The following ARHGAP8 variants were observed in gnomAD, a reference collection of about 807,000 sequenced individuals.
The protein encoded by ARHGAP8 is rho GTPase-activating protein 8.
A neutral mutation model predicts 46.1 loss-of-function variants in ARHGAP8; 62 were observed. The ratio of observed to expected loss-of-function variants is 1.34; its 90% CI spans 1.10 to 1.66. The LOEUF (loss-of-function observed/expected upper bound fraction) is 1.66, where lower values mean the gene tolerates loss of function less well. Ranked by LOEUF, ARHGAP8 falls within the 40% of genes most tolerant of loss-of-function variation. ARHGAP8 has a pLI of 0.00. For missense variants in ARHGAP8, 923 were observed against 568.4 expected (o/e 1.62, Z -6.34); for synonymous variants, 375 against 243.1 (o/e 1.54, Z -5.05).
Position 44,860,583 on chromosome 22 carries a change from A to G in ARHGAP8, c.981+749A>G, listed in dbSNP as rs558731554. Among the ~76,000 whole-genome samples the G allele has an allele frequency of 3.9e-5, 6 of 152,030 alleles. No individual in the cohort carries two copies. The South Asian group carries it at 1.0e-3, about 26-fold the overall frequency. On this transcript the variant is annotated intron_variant, in intron 11 of 11. Coordinates refer to ENST00000356099, the MANE Select transcript of ARHGAP8 (RefSeq NM_181335.3). ...GCTGCAACGGCCCTCGTTCCAAATAAGGTCACAGTCAGATTCTCTGTGGTC... is the reference window on the plus strand; with the variant it reads ...GCTGCAACGGCCCTCGTTCCAAATAGGGTCACAGTCAGATTCTCTGTGGTC...
rs751335303 is a variant in ARHGAP8, at chr22:44,862,480, A to T, written c.1187A>T (p.Glu396Val). ...APGEHGLAPWEQGSRAAPLQE... is the reference protein window; with the variant it reads ...APGEHGLAPWVQGSRAAPLQE... ...GGGGAGCACGGCCTGGCACCATGGG[A>T]ACAGGGGAGCAGGGCAGCCCCTTTG... Residue 396 changes from glutamate to valine, a missense_variant, in exon 12 of 12, where the codon GAA becomes GTA. Physicochemically the swap from Glu to Val is moderately radical, Grantham distance 121. Coordinates refer to ENST00000356099, the MANE Select transcript of ARHGAP8 (RefSeq NM_181335.3). 6 of 1,613,448 alleles carry T rather than the reference A, an allele frequency of 3.7e-6. No homozygotes were observed. The highest frequency in any genetic ancestry group is 1.6e-4 in the Middle Eastern group (1 of 6,080).
At chr22:44,777,050 C>A (rs1488965250) in intron 1 of ARHGAP8, 1 of 152,254 alleles carries the variant, frequency 6.6e-6, no homozygotes, top group Non-Finnish European at 1.5e-5. Flanking sequence ...CTAGAAGCCT[C>A]TGCTGACCTT....
At position 44,814,827 on chromosome 22, in the gene ARHGAP8, C is replaced by T; in HGVS notation, c.386+69C>T. The T allele has an allele frequency of 7.1e-6, 11 of 1,556,530 alleles. No homozygotes were observed. In the Middle Eastern group the frequency reaches 8.8e-4, roughly 125 times the overall value. On this transcript the variant is annotated intron_variant, in intron 5 of 11. Coordinates refer to ENST00000356099, the MANE Select transcript of ARHGAP8 (RefSeq NM_181335.3). ...TCACCCCTCAGGGTCCATGGGACGGCCTTCCCTATCCACGCATCATGGAGG... is the reference window on the plus strand; with the variant it reads ...TCACCCCTCAGGGTCCATGGGACGGTCTTCCCTATCCACGCATCATGGAGG...
At chr22:44,854,160 G>A (rs1048342665) in intron 10 of ARHGAP8, among the ~76,000 whole-genome samples, 17 of 151,068 alleles carry the variant, frequency 1.1e-4, no homozygotes, top group Admixed American at 4.6e-4. Context: ...GCCAGGAAGC[G>A]GCCTTGCTTA....
rs528250162 is a variant in ARHGAP8 at position 44,822,507 on chromosome 22, A to G, written c.485+38A>G. 226 of 1,485,128 alleles carry G rather than the reference A, an allele frequency of 1.5e-4. No homozygotes were observed. In the South Asian group the frequency reaches 2.7e-3, roughly 18 times the overall value. 92.0% of individuals were successfully genotyped at this position (1,485,128 alleles called of 1,614,324 possible). A position where few individuals can be genotyped will look rare whatever the true frequency, so the allele number is the denominator to read the frequency against. Reference sequence around the variant, plus strand: ...TAGACCCCAGAAGCCGCATCAATACATCTTCGTGCTTCCAAAGGGCTTGGT... The same window carrying G: ...TAGACCCCAGAAGCCGCATCAATACGTCTTCGTGCTTCCAAAGGGCTTGGT... On this transcript the variant is annotated intron_variant, in intron 6 of 11. Transcript: ENST00000356099.
At chr22:44,767,982 G>GT (rs1569134963) in intron 1 of ARHGAP8, among the ~76,000 whole-genome samples, 4 of 69,750 alleles carry the variant, frequency 5.7e-5, no homozygotes, top group South Asian at 1.3e-3. Flanking sequence ...CCCGCATGAT[G>GT]TCTTTTTTTT....
At chr22:44,861,057 G>C (rs901460746) in intron 11 of ARHGAP8, among the ~76,000 whole-genome samples, 1 of 152,130 alleles carries the variant, frequency 6.6e-6, no homozygotes, top group Non-Finnish European at 1.5e-5. Context: ...TAGCTGGTGT[G>C]CACTGGTGCA....
At chr22:44,861,752 A>C (rs987261506) in intron 11 of ARHGAP8, among the ~76,000 whole-genome samples, 2 of 152,104 alleles carry the variant, frequency 1.3e-5, no homozygotes, top group Non-Finnish European at 2.9e-5. Context: ...CAGATTCCTC[A>C]TCTGTAAGAT....
intron 2 of ARHGAP8, among the ~76,000 whole-genome samples, chr22:44,786,941 C>T (rs552898647): frequency 9.3e-5 from 14 of 150,352 alleles, no homozygotes; most frequent in Admixed American, 2.0e-4. Context: ...TGCTTCAGCC[C>T]GGGAGGCAGA....
chr22:44,802,309 G>C (rs936428309), intron 3 of ARHGAP8, 145 bp downstream of exon 3: 1 of 1,036,148 alleles, frequency 9.7e-7, no homozygotes, highest in African/African-American at 1.6e-5. Flanking sequence ...TTGCACTCAT[G>C]AGCCTACCCG....
At chr22:44,797,002 T>G (rs1861064378) in intron 2 of ARHGAP8, among the ~76,000 whole-genome samples, 2 of 152,118 alleles carry the variant, frequency 1.3e-5, no homozygotes, top group African/African-American at 4.8e-5. Flanking sequence ...ACGGTTCTTG[T>G]GGGGCTGGGC....
Position 44,856,673 on chromosome 22 carries a change from C to T in ARHGAP8, c.878-3058C>T, listed in dbSNP as rs1040702919. Among the ~76,000 whole-genome samples the T allele has an allele frequency of 1.9e-4, 27 of 144,390 alleles. 3 individuals carry two copies. The highest frequency in any genetic ancestry group is 1.0e-4 in the Non-Finnish European group (7 of 66,676). The allele number at this position is 144,390 out of a possible 152,430, so 94.7% of individuals were successfully genotyped here. A position where few individuals can be genotyped will look rare whatever the true frequency, so the allele number is the denominator to read the frequency against. On this transcript the variant is annotated intron_variant, in intron 10 of 11. Coordinates refer to ENST00000356099, the MANE Select transcript of ARHGAP8 (RefSeq NM_181335.3). ...CAAGTTCTCAGGACACAAAACAAGA[C>T]GAAAGGAGAATCGTATCCCATGATT...
intron 4 of ARHGAP8, among the ~76,000 whole-genome samples, chr22:44,813,052 C>T (rs1466057317): frequency 6.6e-6 from 1 of 152,114 alleles, no homozygotes; most frequent in Admixed American, 6.6e-5. Flanking sequence ...CCAGGCTTAT[C>T]TTGTATTTTT....
At chr22:44,790,165 T>C (rs1003145578) in intron 2 of ARHGAP8, among the ~76,000 whole-genome samples, 2 of 152,166 alleles carry the variant, frequency 1.3e-5, no homozygotes, top group African/African-American at 2.4e-5. Context: ...TGGAGAATGA[T>C]GACGGCAGCT....
intron 1 of ARHGAP8, among the ~76,000 whole-genome samples, chr22:44,761,080 T>C (rs893422568): frequency 3.3e-5 from 5 of 152,236 alleles, no homozygotes; most frequent in Non-Finnish European, 5.9e-5. Context: ...GACCTGCATG[T>C]ACCAGGCCCT....
chr22:44,770,256 AAAAC>A (rs372494927), intron 1 of ARHGAP8, among the ~76,000 whole-genome samples: 52 of 152,186 alleles, frequency 3.4e-4, no homozygotes, highest in African/African-American at 9.2e-4. Context: ...AAAACAAACA[AAAAC>A]AAACAAAAAA....
At chr22:44,773,587 T>C (rs1926198443) in intron 1 of ARHGAP8, among the ~76,000 whole-genome samples, 1 of 152,198 alleles carries the variant, frequency 6.6e-6, no homozygotes, top group Non-Finnish European at 1.5e-5. Context: ...TTCTTTTTTC[T>C]CTCTTTTTTC....
intron 5 of ARHGAP8, among the ~76,000 whole-genome samples, chr22:44,818,865 T>G (rs896611480): frequency 2.0e-5 from 3 of 151,894 alleles, no homozygotes; most frequent in Non-Finnish European, 4.4e-5. Context: ...CCCAGCTAGT[T>G]TAAAACAATT....
intron 10 of ARHGAP8, among the ~76,000 whole-genome samples, chr22:44,851,935 A>C (rs1601521868): frequency 6.6e-6 from 1 of 152,114 alleles, no homozygotes; most frequent in East Asian, 1.9e-4. Context: ...TCACTCCTGT[A>C]AACTCAGCAC....
Sources: gnomAD v4.1 joint callset for allele counts (sites outside exome capture counted in the v4.1 genomes callset) on GRCh38, gnomAD v4.1.1 for gene constraint, MANE v1.5 for transcripts, NCBI Gene and HGNC (gene_info 2026-07-23, HGNC 2026-07-21) for gene names.